Variants in IQCM observed in about 807,000 individuals in gnomAD.
IQCM encodes IQ motif containing M.
In IQCM, 45 loss-of-function variants were observed where a neutral mutation model predicts 57.6. That is an observed-to-expected ratio of 0.78 (90% confidence interval 0.62 to 1.00). The LOEUF (loss-of-function observed/expected upper bound fraction) is 1.00, where lower values mean the gene tolerates loss of function less well. Ranked by LOEUF, IQCM falls within the 50% of genes least tolerant of loss-of-function variation. The probability of loss-of-function intolerance (pLI) is 0.00; values close to 1 mark genes in which losing one functional copy is unlikely to be tolerated. For missense variants in IQCM, 468 were observed against 511.6 expected, an observed-to-expected ratio of 0.91 and a Z score of 0.82; for synonymous variants, 148 against 158.9, an observed-to-expected ratio of 0.93 and a Z score of 0.51.
chr4:149,812,167 C>A (rs1774622209), intron 2 of IQCM, among the ~76,000 whole-genome samples: 2 of 152,156 alleles, frequency 1.3e-5, no homozygotes, highest in East Asian at 3.9e-4. Flanking sequence ...TGGTTTATTA[C>A]TCCTTTGGGT....
At chr4:149,634,121 T>C (rs529255545) in intron 7 of IQCM, among the ~76,000 whole-genome samples, 103 of 152,272 alleles carry the variant, frequency 6.8e-4, no homozygotes, top group Non-Finnish European at 1.2e-3. Context: ...GCGATTCTCC[T>C]GCCTTAGCCT....
intron 2 of IQCM, among the ~76,000 whole-genome samples, chr4:149,798,664 C>T (rs545376374): frequency 6.6e-6 from 1 of 151,854 alleles, no homozygotes. Flanking sequence ...ATAGTCCATT[C>T]CAATAGATAT....
At chr4:149,453,659 CAAT>C (rs1319218965) in intron 12 of IQCM, among the ~76,000 whole-genome samples, 1 of 151,828 alleles carries the variant, frequency 6.6e-6, no homozygotes, top group Admixed American at 6.6e-5. Flanking sequence ...ATCAAAACCA[CAAT>C]GAGATACCAC....
At chr4:149,658,158 C>T (rs546490669) in intron 7 of IQCM, among the ~76,000 whole-genome samples, 1 of 151,848 alleles carries the variant, frequency 6.6e-6, no homozygotes, top group Admixed American at 6.6e-5. Context: ...GTCATTAGTC[C>T]ATTTTGAGTT....
intron 13 of IQCM, among the ~76,000 whole-genome samples, chr4:149,400,219 T>C (rs1441497694): frequency 6.6e-6 from 1 of 151,896 alleles, no homozygotes; most frequent in Admixed American, 6.6e-5. Context: ...TTTTTTTGTT[T>C]GGGTTTTTGT....
intron 12 of IQCM, among the ~76,000 whole-genome samples, chr4:149,477,631 T>G (rs1297047720): frequency 6.6e-6 from 1 of 152,110 alleles, no homozygotes; most frequent in Non-Finnish European, 1.5e-5. Flanking sequence ...GGAGCAGGTA[T>G]GTGTAATGGC....
intron 2 of IQCM, among the ~76,000 whole-genome samples, chr4:149,803,024 A>G (rs1773746550): frequency 6.6e-6 from 1 of 151,954 alleles, no homozygotes; most frequent in Non-Finnish European, 1.5e-5. Context: ...GATTAGCCCA[A>G]TTTTATAAGG....
intron 10 of IQCM, among the ~76,000 whole-genome samples, chr4:149,562,904 G>A (rs557750298): frequency 5.3e-5 from 8 of 152,192 alleles, no homozygotes; most frequent in South Asian, 2.1e-4. Flanking sequence ...GAGGTTTTTC[G>A]CAGAAGATCA....
In IQCM at chr4:149,478,149, G is replaced by C. The variant is rs570285067; in HGVS notation, c.1229-44592C>G. On this transcript the variant is annotated intron_variant, in intron 12 of 13. Coordinates refer to ENST00000636793, the MANE Select transcript of IQCM (RefSeq NM_001363507.2). Reference sequence around the variant, plus strand: ...ATTAGCTGTTATTATTATTAAGATAGAGTGAAAAGCACATGAAAAGCCCCT... The same window carrying C: ...ATTAGCTGTTATTATTATTAAGATACAGTGAAAAGCACATGAAAAGCCCCT... 7.9e-5 allele frequency among the ~76,000 whole-genome samples: 12 copies of C among 152,256 alleles called. No homozygotes were observed. In the East Asian group the frequency reaches 1.9e-3, roughly 24 times the overall value.
intron 8 of IQCM, among the ~76,000 whole-genome samples, chr4:149,620,784 A>C (rs994833273): frequency 1.6e-4 from 24 of 152,168 alleles, no homozygotes; most frequent in African/African-American, 4.8e-4. Flanking sequence ...TACATTCTAC[A>C]TTCTCCCCTT....
At chr4:149,729,708 T>C (rs1706734870) in intron 5 of IQCM, among the ~76,000 whole-genome samples, 2 of 151,790 alleles carry the variant, frequency 1.3e-5, no homozygotes, top group African/African-American at 4.9e-5. Context: ...TTTTTTAATA[T>C]ATGGTTCTAA....
At chr4:149,669,960 G>A (rs533197171) in intron 7 of IQCM, among the ~76,000 whole-genome samples, 5 of 152,254 alleles carry the variant, frequency 3.3e-5, no homozygotes, top group East Asian at 1.9e-4. Flanking sequence ...GGCAATGTGG[G>A]CTCTTTTTTG....
chr4:149,481,304 G>C (rs1408968841), intron 12 of IQCM, among the ~76,000 whole-genome samples: 1 of 152,016 alleles, frequency 6.6e-6, no homozygotes, highest in East Asian at 1.9e-4. Context: ...TATGCTTGTG[G>C]AGTATTACTC....
At chr4:149,381,107 A>G (rs1243689963) in intron 13 of IQCM, among the ~76,000 whole-genome samples, 1 of 152,078 alleles carries the variant, frequency 6.6e-6, no homozygotes, top group Non-Finnish European at 1.5e-5. Flanking sequence ...AAACTATTTG[A>G]CTTTGATTCA....
At chr4:149,360,222 T>C (rs199997859) in intron 13 of IQCM, among the ~76,000 whole-genome samples, 1 of 152,146 alleles carries the variant, frequency 6.6e-6, no homozygotes, top group East Asian at 1.9e-4. Context: ...CTAATATATT[T>C]GGAAAAATGC....
intron 2 of IQCM, among the ~76,000 whole-genome samples, chr4:149,768,707 GGAGC>G (rs1770282713): frequency 6.6e-6 from 1 of 151,898 alleles, no homozygotes; most frequent in Admixed American, 6.6e-5. Flanking sequence ...CTCAACAACA[GGAGC>G]ACTTAAACAG....
chr4:149,381,099 A>T (rs542712320), intron 13 of IQCM, among the ~76,000 whole-genome samples: 2 of 152,226 alleles, frequency 1.3e-5, no homozygotes, highest in East Asian at 3.9e-4. Context: ...GCAGGCTAAA[A>T]CTATTTGACT....
chr4:149,501,642 A>G (rs1743253024), intron 12 of IQCM, among the ~76,000 whole-genome samples: 1 of 152,200 alleles, frequency 6.6e-6, no homozygotes, highest in Non-Finnish European at 1.5e-5. Flanking sequence ...ATAATATTGA[A>G]GATAGGAAAT....
chr4:149,735,118 CA>C (rs1015676220), intron 4 of IQCM, among the ~76,000 whole-genome samples: 23 of 151,796 alleles, frequency 1.5e-4, no homozygotes, highest in Middle Eastern at 6.8e-3. Context: ...TAAAATTCTT[CA>C]AAAAAAATTT....
Sources: allele counts gnomAD v4.1 joint callset (sites outside exome capture counted in the v4.1 genomes callset), GRCh38; gene constraint gnomAD v4.1.1; transcripts MANE v1.5; gene names NCBI Gene and HGNC (gene_info 2026-07-23, HGNC 2026-07-21).